The following DOCK8 variants were observed in gnomAD, a reference collection of about 807,000 sequenced individuals.
DOCK8 encodes the protein dedicator of cytokinesis protein 8.
In DOCK8, 141 loss-of-function variants were observed where a neutral mutation model predicts 245.6. The observed-to-expected ratio is 0.57, with a 90% CI of 0.50 to 0.66. The LOEUF (loss-of-function observed/expected upper bound fraction) is 0.66, where lower values mean the gene tolerates loss of function less well. Ranked by LOEUF, DOCK8 falls within the 30% of genes least tolerant of loss-of-function variation. DOCK8 has a pLI of 0.00. For synonymous variants in DOCK8, 1,168 were observed against 970.2 expected (o/e 1.20, Z -3.79); for missense variants, 2,965 against 2,603.4 (o/e 1.14, Z -3.02).
intron 11 of DOCK8, among the ~76,000 whole-genome samples, chr9:334,935 T>C (rs556881060): frequency 2.6e-5 from 4 of 151,904 alleles, no homozygotes; most frequent in African/African-American, 9.7e-5. Flanking sequence ...TACAAAAAAT[T>C]TGCTGGGTGT....
At chr9:379,348 A>C (rs10973135) in intron 20 of DOCK8, among the ~76,000 whole-genome samples, 39,413 of 151,886 alleles carry the variant, frequency 0.26, 5,235 homozygotes, top group African/African-American at 0.29. Context: ...CACAACAGTC[A>C]CGTGAGCATC....
chr9:214,731 A>G, upstream of DOCK8: 1 of 1,525,040 alleles, frequency 6.6e-7, no homozygotes. Context: ...CGCTGGGCCC[A>G]CGCCCTCCTC....
intron 6 of DOCK8, among the ~76,000 whole-genome samples, chr9:313,684 C>A (rs2050222839): frequency 6.6e-6 from 1 of 152,154 alleles, no homozygotes; most frequent in South Asian, 2.1e-4. Context: ...ACCTATCGCA[C>A]TGCACAGTGA....
chr9:346,691 G>A (rs16932759), intron 14 of DOCK8, among the ~76,000 whole-genome samples: 3,617 of 152,226 alleles, frequency 0.024, 143 homozygotes, highest in African/African-American at 0.083. Flanking sequence ...AATGTTCTCA[G>A]ACCAGAAGTC....
chr9:312,216 G>A (rs762934366), intron 6 of DOCK8, 50 bp downstream of exon 6: 1 of 1,580,090 alleles, frequency 6.3e-7, no homozygotes, highest in Non-Finnish European at 8.7e-7. Context: ...GACTCTGAGA[G>A]TCATGTGGAC....
chr9:350,045 G>A (rs1308040006), intron 14 of DOCK8, among the ~76,000 whole-genome samples: 2 of 152,130 alleles, frequency 1.3e-5, no homozygotes, highest in Non-Finnish European at 2.9e-5. Flanking sequence ...CACCTTTCCA[G>A]GAATCTCCTT....
intron 1 of DOCK8, among the ~76,000 whole-genome samples, chr9:256,869 C>G (rs897762223): frequency 6.6e-6 from 1 of 151,846 alleles, no homozygotes; most frequent in Non-Finnish European, 1.5e-5. Context: ...CAAGTGCACA[C>G]TCGATGAATA....
chr9:236,231 C>T (rs1287964026), intron 1 of DOCK8, among the ~76,000 whole-genome samples: 1 of 152,056 alleles, frequency 6.6e-6, no homozygotes, highest in Non-Finnish European at 1.5e-5. Context: ...TACAGTGAAT[C>T]AGTATTGGAG....
rs560270712 is a variant in DOCK8 at position 339,985 on chromosome 9, C to T, written c.1517-174C>T. ...ATTTTATTTTATAGAGGCTAAATCT[C>T]GAAAGTTATCATGACACACTTTTCT... On this transcript the variant is annotated intron_variant, in intron 13 of 47. Coordinates refer to ENST00000432829, the MANE Select transcript of DOCK8 (RefSeq NM_203447.4). Among the ~76,000 whole-genome samples, 3 of 152,274 alleles carry T rather than the reference C, an allele frequency of 2.0e-5. No homozygotes were observed. In the East Asian group the frequency reaches 5.8e-4, roughly 29 times the overall value.
intron 1 of DOCK8, among the ~76,000 whole-genome samples, chr9:222,898 G>C (rs907259993): frequency 5.3e-5 from 8 of 152,206 alleles, no homozygotes; most frequent in African/African-American, 1.9e-4. Context: ...GGGTGCCTAA[G>C]CCATAGCCCT....
At chr9:215,586 G>A in intron 1 of DOCK8, 2 of 744,312 alleles carry the variant, frequency 2.7e-6, no homozygotes. Context: ...CTGGTCCAAA[G>A]GAGCCATGAA....
At chr9:329,584 G>T (rs2050916067) in intron 9 of DOCK8, among the ~76,000 whole-genome samples, 1 of 152,112 alleles carries the variant, frequency 6.6e-6, no homozygotes, top group African/African-American at 2.4e-5. Flanking sequence ...ACTTCAATGT[G>T]TCTCCTTTTC....
chr9:422,242 T>C (rs1049358532), intron 33 of DOCK8, 107 bp downstream of exon 33: 21 of 904,818 alleles, frequency 2.3e-5, no homozygotes, highest in East Asian at 1.6e-4. Flanking sequence ...GGTTAGAAAA[T>C]GAAACATCAT....
In DOCK8 at chr9:343,928, C is replaced by T. The variant is rs114827141; in HGVS notation, c.1679+3607C>T. ...AATGTTCTCTACTCGTTCCTGCAAACATTATCCCTTAATTACATCACAGTG... is the reference window on the plus strand; with the variant it reads ...AATGTTCTCTACTCGTTCCTGCAAATATTATCCCTTAATTACATCACAGTG... On this transcript the variant is annotated intron_variant, in intron 14 of 47. Transcript: ENST00000432829. Among the ~76,000 whole-genome samples, 566 of 152,322 alleles carry T rather than the reference C, an allele frequency of 3.7e-3. 2 individuals carry two copies. The highest frequency in any genetic ancestry group is 0.013 in the African/African-American group (522 of 41,570).
intron 22 of DOCK8, among the ~76,000 whole-genome samples, chr9:384,698 C>G (rs1301895457): frequency 1.3e-5 from 2 of 152,166 alleles, no homozygotes; most frequent in African/African-American, 4.8e-5. Flanking sequence ...GGGCAGATCA[C>G]GAGGTCAGGA....
chr9:422,790 G>C (rs995289853), intron 33 of DOCK8, among the ~76,000 whole-genome samples: 30 of 152,088 alleles, frequency 2.0e-4, no homozygotes, highest in African/African-American at 7.0e-4. Flanking sequence ...TTCGAGACTA[G>C]CCTGGCCAAC....
At chr9:416,131 C>T (rs938767876) in intron 29 of DOCK8, among the ~76,000 whole-genome samples, 6 of 152,128 alleles carry the variant, frequency 3.9e-5, no homozygotes, top group Admixed American at 3.9e-4. Context: ...TTGTAGAGTT[C>T]TGTTGGGGCC....
intron 14 of DOCK8, among the ~76,000 whole-genome samples, chr9:350,484 G>A (rs1201582446): frequency 3.3e-5 from 5 of 152,118 alleles, no homozygotes; most frequent in African/African-American, 4.8e-5. Context: ...TGTACGTGCC[G>A]TCCAGGACAC....
intron 14 of DOCK8, among the ~76,000 whole-genome samples, chr9:342,726 C>A (rs1586749540): frequency 6.6e-6 from 1 of 152,120 alleles, no homozygotes; most frequent in Non-Finnish European, 1.5e-5. Flanking sequence ...CCTCGGCCTC[C>A]CAAAGTGCTG....
Sources: gnomAD v4.1 joint callset for allele counts (sites outside exome capture counted in the v4.1 genomes callset) on GRCh38, gnomAD v4.1.1 for gene constraint, MANE v1.5 for transcripts, NCBI Gene and HGNC (gene_info 2026-07-23, HGNC 2026-07-21) for gene names.